Variants in ZRSR2 observed in about 807,000 individuals in gnomAD.
ZRSR2 encodes U2 small nuclear ribonucleoprotein auxiliary factor 35 kDa subunit-related protein 2.
Under a neutral mutation model 39.4 loss-of-function variants are expected in ZRSR2, and 3 were observed. The ratio of observed to expected loss-of-function variants is 0.08; its 90% confidence interval spans 0.03 to 0.20. ZRSR2 has a LOEUF of 0.20. Ranked by LOEUF, ZRSR2 falls within the 10% of genes least tolerant of loss-of-function variation. ZRSR2 has a pLI of 1.00. For missense variants in ZRSR2, 256 were observed against 391.5 expected, an observed-to-expected ratio of 0.65 and a Z score of 2.92; for synonymous variants, 137 against 136.0, an observed-to-expected ratio of 1.01 and a Z score of -0.05.
intron 10 of ZRSR2, among the ~76,000 whole-genome samples, chrX:15,821,944 A>G (rs893705176): frequency 1.8e-5 from 2 of 111,214 alleles, no homozygotes; most frequent in Non-Finnish European, 3.8e-5. Context: ...TGTAATGTTT[A>G]TAATCTTAAA....
chrX:15,807,446 C>A lies in ZRSR2; in HGVS notation c.400-787C>A, dbSNP rs965286249. ...CTGGGATTACAGGCACGTGCCACCA[C>A]ACCTGGCTAATTTTTGTATTTTTAG... On this transcript the variant is annotated intron_variant, in intron 5 of 10. Coordinates refer to ENST00000307771, the MANE Select transcript of ZRSR2 (RefSeq NM_005089.4). 6.4e-5 allele frequency among the ~76,000 whole-genome samples: 7 copies of A among 108,947 alleles called. No individual in the cohort carries two copies. The Admixed American group carries it at 6.9e-4, about 11-fold the overall frequency. The allele number at this position is 108,947 out of a possible 115,157, so 94.6% of individuals were successfully genotyped here.
chrX:15,804,195 G>A lies in ZRSR2; in HGVS notation c.397G>A (p.Glu133Lys). ...EQKRQEKKEK[E>K]EALQKMLDQA... is the part of the protein sequence containing the mutation. ...GAAACGACAGGAGAAGAAAGAAAAA[G>A]AGGTGATTCCTGTCATGGGATGTGC... is the stretch of plus-strand genomic sequence containing the variant. Residue 133 changes from glutamate to lysine, a missense_variant and splice_region_variant, in exon 5 of 11, where the codon GAG becomes AAG. Physicochemically the swap from Glu to Lys is moderately conservative, Grantham distance 56 (BLOSUM62 1). Around this residue, in one of 3 missense-constraint regions of ZRSR2, gnomAD observed 87 missense variants for 111.7 expected, o/e 0.78. Transcript: ENST00000307771. 5 of 1,193,575 alleles carry A rather than the reference G, an allele frequency of 4.2e-6. No individual in the cohort carries two copies. Among genetic ancestry groups the A allele is most frequent in the Non-Finnish European group, 4.5e-6 (4 of 888,967 alleles).
chrX:15,821,774 G>A (rs1933112637), intron 10 of ZRSR2, among the ~76,000 whole-genome samples: 1 of 110,444 alleles, frequency 9.1e-6, no homozygotes, highest in Admixed American at 9.8e-5. Flanking sequence ...ATAGTATGTG[G>A]TACGGAGGTA....
intron 7 of ZRSR2, among the ~76,000 whole-genome samples, chrX:15,813,649 T>TA (rs1932917632): frequency 8.9e-6 from 1 of 112,231 alleles, no homozygotes; most frequent in South Asian, 3.7e-4. Flanking sequence ...CATTCAGATC[T>TA]AGGAATCCCT....
intron 6 of ZRSR2, among the ~76,000 whole-genome samples, chrX:15,808,827 G>A (rs1464437004): frequency 9.1e-6 from 1 of 110,414 alleles, no homozygotes; most frequent in African/African-American, 3.3e-5. Context: ...CTCCATGTTG[G>A]TCAGGCTGGT....
chrX:15,791,084 C>A, intron 2 of ZRSR2, 71 bp downstream of exon 2: 1 of 973,997 alleles, frequency 1.0e-6, no homozygotes, highest in Non-Finnish European at 1.5e-6. Context: ...ACTTGAAGCC[C>A]CAGTGTCAGA....
intron 7 of ZRSR2, among the ~76,000 whole-genome samples, chrX:15,811,981 G>C (rs765879112): frequency 9.0e-6 from 1 of 111,479 alleles, no homozygotes; most frequent in Admixed American, 9.5e-5. Context: ...CCAGGCTGGA[G>C]TGCAGTGGCA....
intron 6 of ZRSR2, among the ~76,000 whole-genome samples, chrX:15,808,847 C>G (rs1932838427): frequency 9.0e-6 from 1 of 110,863 alleles, no homozygotes; most frequent in Non-Finnish European, 1.9e-5. Context: ...TCTTGAACTC[C>G]TGATCTCAGG....
In ZRSR2 at chrX:15,823,129, C is replaced by T. The variant is rs1569074760; in HGVS notation, c.1336C>T (p.Arg446Trp). ...GGGCAGCCGGAGCCGGAGCCGGAGC[C>T]GGAGCCGCAGGAGCCGCCGCAGCCG... The part of the protein sequence containing the change: ...GRGSRSRSRS[R>W]SRRSRRSRSQ... The change falls in exon 11 of 11, where the codon CGG (arginine) becomes TGG (tryptophan). Residue 446 changes from arginine (R) to tryptophan (W), a missense_variant. Transcript: ENST00000307771. The T allele has an allele frequency of 3.3e-6, 4 of 1,205,875 alleles. No homozygotes were observed. Among genetic ancestry groups the T allele is most frequent in the Non-Finnish European group, 2.2e-6 (2 of 892,920 alleles).
At chrX:15,803,525 C>T (rs1259476266) in intron 3 of ZRSR2, among the ~76,000 whole-genome samples, 163 bp from the exon 4 acceptor site, 1 of 111,534 alleles carries the variant, frequency 9.0e-6, no homozygotes, top group African/African-American at 3.3e-5. Context: ...TTTCCAAAAG[C>T]TCTGCTCTTC....
At chrX:15,807,569 T>G (rs1467730101) in intron 5 of ZRSR2, among the ~76,000 whole-genome samples, 1 of 109,527 alleles carries the variant, frequency 9.1e-6, no homozygotes, top group East Asian at 2.9e-4. Flanking sequence ...GGATTATAGG[T>G]GTGAGCCACC....
At chrX:15,795,121 A>G (rs1169146028) in intron 2 of ZRSR2, among the ~76,000 whole-genome samples, 1 of 79,480 alleles carries the variant, frequency 1.3e-5, no homozygotes, top group Non-Finnish European at 2.2e-5. Context: ...CTCTTTCACG[A>G]TTTCCTTGAT....
At chrX:15,803,071 T>G (rs1189652729) in intron 3 of ZRSR2, among the ~76,000 whole-genome samples, 1 of 109,002 alleles carries the variant, frequency 9.2e-6, no homozygotes, top group African/African-American at 3.3e-5. Flanking sequence ...GAGACCAGCC[T>G]GGCCAACATG....
chrX:15,815,957 CTGG>C, intron 8 of ZRSR2, 67 bp downstream of exon 8: 1 of 970,162 alleles, frequency 1.0e-6, no homozygotes, highest in Non-Finnish European at 1.4e-6. Flanking sequence ...CACAAGAGAG[CTGG>C]GACACAGGCT....
chrX:15,792,533 T>G (rs1012458713), intron 2 of ZRSR2, among the ~76,000 whole-genome samples: 2 of 112,708 alleles, frequency 1.8e-5, no homozygotes, highest in Admixed American at 1.9e-4. Context: ...GATGTGAAAC[T>G]AATGCTCCTC....
intron 7 of ZRSR2, among the ~76,000 whole-genome samples, chrX:15,815,472 A>G (rs1347800579): frequency 9.0e-6 from 1 of 111,549 alleles, no homozygotes; most frequent in Non-Finnish European, 1.9e-5. Context: ...CGCCCGGCTA[A>G]TTTTTTGTAT....
chrX:15,807,364 A>G (rs1401776446), intron 5 of ZRSR2, among the ~76,000 whole-genome samples: 4 of 109,441 alleles, frequency 3.7e-5, no homozygotes, highest in Non-Finnish European at 7.6e-5. Flanking sequence ...ATCTCGGCTC[A>G]CTGCAACCTC....
At chrX:15,811,993 G>A (rs777267799) in intron 7 of ZRSR2, among the ~76,000 whole-genome samples, 2 of 111,233 alleles carry the variant, frequency 1.8e-5, no homozygotes, top group Non-Finnish European at 3.8e-5. Context: ...GCAGTGGCAC[G>A]ATCTCCGCTC....
At chrX:15,809,458 G>A (rs1263913287) in intron 7 of ZRSR2, 140 bp downstream of exon 7, 16 of 481,197 alleles carry the variant, frequency 3.3e-5, no homozygotes, top group South Asian at 6.4e-5. Flanking sequence ...TGCTGCTCTC[G>A]TTTTCCCAGC....
Sources: allele counts gnomAD v4.1 joint callset (sites outside exome capture counted in the v4.1 genomes callset), GRCh38; gene constraint gnomAD v4.1.1; regional missense constraint gnomAD v4.1.1; transcripts MANE v1.5; gene names NCBI Gene and HGNC (gene_info 2026-07-23, HGNC 2026-07-21).